SHD: variants seen among roughly 807,000 people sequenced by gnomAD.
SHD encodes the protein Src homology 2 domain containing transforming protein D.
A neutral mutation model predicts 31.2 loss-of-function variants in SHD; 29 were observed. The observed-to-expected ratio is 0.93, with a 90% CI of 0.69 to 1.27. SHD has a LOEUF of 1.27. Among genes scored for constraint, SHD ranks in the 50% most tolerant of loss-of-function variants. SHD has a pLI of 0.00. For missense variants in SHD, 520 were observed against 453.8 expected (o/e 1.15, Z -1.33); for synonymous variants, 208 against 187.8 (o/e 1.11, Z -0.88).
chr19:4,282,994 G>T lies in SHD; in HGVS notation c.403+19G>T, dbSNP rs772298090. 1.6e-5 allele frequency: 26 copies of T among 1,614,056 alleles called. No homozygotes were observed. Among genetic ancestry groups the T allele is most frequent in the Admixed American group, 3.3e-5 (2 of 59,994 alleles). ...ATGAGTGGTGAGTAGGCACGGCTTGGGGGAAGGTGACAGGGTCCCAGATGG... is the reference window on the plus strand; with the variant it reads ...ATGAGTGGTGAGTAGGCACGGCTTGTGGGAAGGTGACAGGGTCCCAGATGG... On this transcript the variant is annotated intron_variant, in intron 2 of 5. Transcript: ENST00000543264.
chr19:4,284,991 G>A (rs1971294989), intron 4 of SHD, 87 bp downstream of exon 4: 1 of 1,355,734 alleles, frequency 7.4e-7, no homozygotes, highest in Non-Finnish European at 9.6e-7. Context: ...TCGTTTCCCA[G>A]ATTAGAGGAA....
chr19:4,289,985 C>T (rs1443274270), intron 5 of SHD, among the ~76,000 whole-genome samples: 1 of 152,046 alleles, frequency 6.6e-6, no homozygotes, highest in Non-Finnish European at 1.5e-5. Context: ...AAGGGATTCT[C>T]ATGCCTCAGC....
At position 4,288,251 on chromosome 19, in the gene SHD, A is replaced by T. The variant is rs1472358867; in HGVS notation, c.725A>T (p.His242Leu). 2.5e-6 allele frequency: 4 copies of T among 1,613,448 alleles called. No individual in the cohort carries two copies. The highest frequency in any genetic ancestry group is 1.3e-5 in the African/African-American group (1 of 74,986). Residue 242 changes from histidine to leucine, a missense_variant, in exon 5 of 6, where the codon CAT (histidine) becomes CTT (leucine). Coordinates refer to ENST00000543264, the MANE Select transcript of SHD (RefSeq NM_020209.4). The stretch of plus-strand genomic sequence containing the variant: ...CTGTCCATACTCGCTAGGTGGTTTC[A>T]TGGCCCCCTGAACAGGGCGGATGCA... ...ALPLEKQPWF[H>L]GPLNRADAES...
rs776244730 is a variant in SHD at position 4,288,339 on chromosome 19, C to T, written c.813C>T (p.Pro271=). The change falls in exon 5 of 6, where the codon CCC becomes CCT. Residue 271 remains proline, a synonymous_variant. Coordinates refer to ENST00000543264, the MANE Select transcript of SHD (RefSeq NM_020209.4). ...SYLVRLSETN[P]QDCSLSLRSS... ...TAGTGCGGCTCAGTGAGACCAACCC[C>T]CAGGACTGCTCCTTGTCTCTCAGGT... The T allele has an allele frequency of 1.2e-6, 2 of 1,613,560 alleles. No homozygotes were observed. Among genetic ancestry groups the T allele is most frequent in the South Asian group, 1.1e-5 (1 of 91,016 alleles).
intron 5 of SHD, among the ~76,000 whole-genome samples, chr19:4,288,860 G>A (rs549145107): frequency 3.3e-5 from 5 of 152,108 alleles, no homozygotes; most frequent in Non-Finnish European, 7.3e-5. Flanking sequence ...TTGGGGCTGA[G>A]CGCGGCAGCT....
In SHD at chr19:4,282,987, C is replaced by T. The variant is rs138084027; in HGVS notation, c.403+12C>T. 692 of 1,613,994 alleles carry T rather than the reference C, an allele frequency of 4.3e-4. 7 individuals carry two copies. In the East Asian group the frequency reaches 0.011, roughly 26 times the overall value. On this transcript the variant is annotated intron_variant, in intron 2 of 5. Transcript: ENST00000543264. ...ATGGGTCATGAGTGGTGAGTAGGCA[C>T]GGCTTGGGGGAAGGTGACAGGGTCC...
At position 4,279,953 on chromosome 19, in the gene SHD, C is replaced by G. The variant is rs907075970; in HGVS notation, c.-111C>G. On this transcript the variant is annotated 5_prime_UTR_variant, in exon 1 of 6. Transcript: ENST00000543264. The surrounding 1 kb of genome is among the most constrained non-coding windows in gnomAD (Gnocchi z 7.5). The stretch of plus-strand genomic sequence containing the variant: ...GCGCACCTGATCTTTCTCATCCTTC[C>G]CTGCTCTTCCCTTCCTCTCCACCTC... 1.5e-6 allele frequency: 2 copies of G among 1,306,460 alleles called. No homozygotes were observed. The highest frequency in any genetic ancestry group is 5.6e-5 in the Admixed American group (2 of 35,490). The allele number at this position is 1,306,460 out of a possible 1,614,324, so 80.9% of individuals were successfully genotyped here.
At chr19:4,285,235 T>G (rs181300787) in intron 4 of SHD, among the ~76,000 whole-genome samples, 1 of 152,132 alleles carries the variant, frequency 6.6e-6, no homozygotes, top group African/African-American at 2.4e-5. Context: ...GCAATTTCCT[T>G]CCTTAACTTG....
At chr19:4,289,574 A>T (rs1007004958) in intron 5 of SHD, among the ~76,000 whole-genome samples, 1 of 147,086 alleles carries the variant, frequency 6.8e-6, no homozygotes, top group African/African-American at 2.5e-5. Flanking sequence ...TTATTTATTT[A>T]TTTATTTATT....
intron 4 of SHD, among the ~76,000 whole-genome samples, chr19:4,287,491 T>G (rs558678831): frequency 6.7e-6 from 1 of 149,678 alleles, no homozygotes; most frequent in Non-Finnish European, 1.5e-5. Flanking sequence ...TCTTGAAAAA[T>G]CCAAGGGTAT....
chr19:4,290,347 C>G (rs544129283), intron 5 of SHD, 100 bp from the exon 6 acceptor site: 1 of 1,303,388 alleles, frequency 7.7e-7, no homozygotes, highest in Non-Finnish European at 1.1e-6. Context: ...TGGAGACACA[C>G]GAGCACCTGG....
chr19:4,284,666 G>A, intron 3 of SHD, 115 bp from the exon 4 acceptor site: 2 of 1,284,752 alleles, frequency 1.6e-6, no homozygotes, highest in Non-Finnish European at 2.0e-6. Flanking sequence ...CCTGGGCTGT[G>A]ATAGGTTGTC....
chr19:4,287,820 C>G (rs1210942100), intron 4 of SHD, among the ~76,000 whole-genome samples: 3 of 151,962 alleles, frequency 2.0e-5, no homozygotes, highest in Non-Finnish European at 4.4e-5. Flanking sequence ...AGGGAATTGT[C>G]CTTCTTCATT....
intron 1 of SHD, among the ~76,000 whole-genome samples, chr19:4,282,420 A>AAAAT (rs1172146713): frequency 6.6e-6 from 1 of 151,968 alleles, no homozygotes; most frequent in African/African-American, 2.4e-5. Context: ...ACTCCATCTC[A>AAAAT]AAATAAATAA....
intron 1 of SHD, among the ~76,000 whole-genome samples, chr19:4,281,053 T>C (rs1971252028): frequency 6.6e-6 from 1 of 151,824 alleles, no homozygotes; most frequent in Non-Finnish European, 1.5e-5. Context: ...GATGCTGCCC[T>C]TCCTACCACT....
In SHD at chr19:4,290,519, C is replaced by G; in HGVS notation, c.909C>G (p.Ser303Arg). The G allele has an allele frequency of 1.2e-6, 2 of 1,613,618 alleles. No individual in the cohort carries two copies. The highest frequency in any genetic ancestry group is 1.7e-6 in the Non-Finnish European group (2 of 1,180,020). Residue 303 changes from serine to arginine, a missense_variant, in exon 6 of 6, where the codon AGC becomes AGG. Coordinates refer to ENST00000543264, the MANE Select transcript of SHD (RefSeq NM_020209.4). ...RENQVVLGQH[S>R]GPFPSVPELV... ...ACCAGGTGGTGCTGGGCCAACACAGCGGGCCCTTCCCCAGCGTGCCCGAGC... is the reference window on the plus strand; with the variant it reads ...ACCAGGTGGTGCTGGGCCAACACAGGGGGCCCTTCCCCAGCGTGCCCGAGC...
chr19:4,287,786 AAAAAAAG>A lies in SHD; in HGVS notation c.717-445_717-439del, dbSNP rs1971335454. ...GCAACAGAGCAAGACTCTGTCTCAA[AAAAAAAG>A]AAAAAAGAAAACTCCAAGGGAATTG... On this transcript the variant is annotated intron_variant, in intron 4 of 5. Transcript: ENST00000543264. Among the ~76,000 whole-genome samples, 14 of 152,112 alleles carry A rather than the reference AAAAAAAG, an allele frequency of 9.2e-5. No individual in the cohort carries two copies. The South Asian group carries it at 2.9e-3, about 32-fold the overall frequency.
intron 5 of SHD, among the ~76,000 whole-genome samples, chr19:4,289,522 A>C (rs1271814628): frequency 6.6e-6 from 1 of 151,850 alleles, no homozygotes; most frequent in Non-Finnish European, 1.5e-5. Context: ...CTGGGATTGC[A>C]GGTGTGGGTC....
chr19:4,282,953 C>T lies in SHD; in HGVS notation c.381C>T (p.Tyr127=), dbSNP rs575572985. Residue 127 remains tyrosine, a synonymous_variant, in exon 2 of 6, where the codon TAC becomes TAT. Coordinates refer to ENST00000543264, the MANE Select transcript of SHD (RefSeq NM_020209.4). ...APPDDGYMEP[Y]DAQWVMSELP... ...CGGATGATGGGTACATGGAGCCCTA[C>T]GATGCCCAATGGGTCATGAGTGGTG... The T allele has an allele frequency of 9.9e-6, 16 of 1,613,848 alleles. No homozygotes were observed. The highest frequency in any genetic ancestry group is 2.2e-5 in the East Asian group (1 of 44,872).
Sources: allele counts gnomAD v4.1 joint callset (sites outside exome capture counted in the v4.1 genomes callset), GRCh38; gene constraint gnomAD v4.1.1; non-coding constraint Gnocchi (gnomAD v3.1); transcripts MANE v1.5; gene names NCBI Gene and HGNC (gene_info 2026-07-23, HGNC 2026-07-21).